Variants in LATS2 observed in about 807,000 individuals in gnomAD.
LATS2 encodes large tumor suppressor kinase 2.
Under a neutral mutation model 76.0 loss-of-function variants are expected in LATS2, and 24 were observed. The ratio of observed to expected loss-of-function variants is 0.32; its 90% CI spans 0.23 to 0.44. LATS2 has a LOEUF of 0.44. Among genes scored for constraint, LATS2 ranks in the 20% least tolerant of loss-of-function variants. The pLI is 1.00. For missense variants in LATS2, 1,286 were observed against 1,481.2 expected (o/e 0.87, Z 2.16); for synonymous variants, 692 against 635.4 (o/e 1.09, Z -1.34).
chr13:21,004,578 A>T (rs1368577522), intron 2 of LATS2, among the ~76,000 whole-genome samples: 1 of 152,222 alleles, frequency 6.6e-6, no homozygotes, highest in Non-Finnish European at 1.5e-5. Flanking sequence ...GAGTGCACAC[A>T]GCATGCTGTT....
chr13:21,035,002 G>A (rs531422811), intron 2 of LATS2, among the ~76,000 whole-genome samples: 11 of 152,284 alleles, frequency 7.2e-5, no homozygotes, highest in South Asian at 4.1e-4. Flanking sequence ...AGGCCAGGGC[G>A]GGAGGATCAC....
intron 2 of LATS2, among the ~76,000 whole-genome samples, chr13:21,002,135 G>C (rs139096997): frequency 6.6e-6 from 1 of 151,608 alleles, no homozygotes; most frequent in East Asian, 2.0e-4. Flanking sequence ...AGATGGTCTC[G>C]ATCTCCTGAC....
intron 2 of LATS2, among the ~76,000 whole-genome samples, chr13:20,992,104 C>A (rs74036496): frequency 0.052 from 7,970 of 152,226 alleles, 725 homozygotes; most frequent in African/African-American, 0.18. Flanking sequence ...CCTCCTTCCA[C>A]CCGAAAGATG....
At chr13:20,990,799 G>A (rs1466989894) in intron 3 of LATS2, among the ~76,000 whole-genome samples, 2 of 152,134 alleles carry the variant, frequency 1.3e-5, no homozygotes, top group African/African-American at 2.4e-5. Context: ...GATGCTGAGG[G>A]GGGCCCAGCG....
chr13:21,015,055 G>A (rs553693379), intron 2 of LATS2, among the ~76,000 whole-genome samples: 13 of 152,340 alleles, frequency 8.5e-5, no homozygotes, highest in African/African-American at 2.9e-4. Context: ...TGGCACTCAC[G>A]TGTGGGCTGA....
At chr13:21,014,104 A>G (rs1565954527) in intron 2 of LATS2, among the ~76,000 whole-genome samples, 1 of 152,102 alleles carries the variant, frequency 6.6e-6, no homozygotes. Context: ...GGAGATTAAA[A>G]TGCCAAAGAA....
chr13:21,007,551 A>AG (rs1565951808), intron 2 of LATS2, among the ~76,000 whole-genome samples: 1 of 10,514 alleles, frequency 9.5e-5, no homozygotes, highest in African/African-American at 1.0e-3. Flanking sequence ...TATAGTATAT[A>AG]TATATATATA....
rs1026557692 is a variant in LATS2, at chr13:20,998,655, T to C, written c.343-7251A>G. ...AGGCCCTCCGGGCCCAGGCCTCCTC[T>C]AACCGCCCCACCATTGCGTGCCCCT... On this transcript the variant is annotated intron_variant, in intron 2 of 7. Transcript: ENST00000382592. 8.5e-5 allele frequency among the ~76,000 whole-genome samples: 13 copies of C among 152,332 alleles called. No individual in the cohort carries two copies. In the East Asian group the frequency reaches 2.5e-3, roughly 29 times the overall value.
At chr13:21,030,597 AAAAAAAAAAAAAAAG>A (rs1872490121) in intron 2 of LATS2, among the ~76,000 whole-genome samples, 1 of 71,830 alleles carries the variant, frequency 1.4e-5, no homozygotes, top group South Asian at 4.7e-4. Flanking sequence ...GTCTCAAAAA[AAAAAAAAAAAAAAAG>A]AAAAAAAAAA....
rs543914502 is a variant in LATS2, at chr13:21,025,003, G to A, written c.342+20682C>T. 9.2e-5 allele frequency among the ~76,000 whole-genome samples: 14 copies of A among 152,070 alleles called. No individual in the cohort carries two copies. In the South Asian group the frequency reaches 2.9e-3, roughly 31 times the overall value. ...CCCCCATAACTTTTTGCCTGGTTTT[G>A]TTTTTTGATTCATTGATTTTTATAT... On this transcript the variant is annotated intron_variant, in intron 2 of 7. Transcript: ENST00000382592.
chr13:20,988,670 C>G lies in LATS2; in HGVS notation c.1110G>C (p.Trp370Cys). 6.3e-7 allele frequency: 1 copy of G among 1,575,314 alleles called. No individual in the cohort carries two copies. The highest frequency in any genetic ancestry group is 8.5e-7 in the Non-Finnish European group (1 of 1,170,374). ...YELGSTSVQQ[W>C]PAATLARRDS... ...CCCGGCGGGCCAGGGTGGCAGCCGG[C>G]CACTGCTGGACGGAGGTGCTGCCCA... is the stretch of plus-strand genomic sequence containing the variant. The change falls in exon 4 of 8, where the codon TGG (tryptophan) becomes TGC (cysteine). Residue 370 changes from tryptophan to cysteine, a missense_variant. This residue lies in a region of LATS2 where 710 missense variants were observed against 660.9 expected (regional missense o/e 1.07). Coordinates refer to ENST00000382592, the MANE Select transcript of LATS2 (RefSeq NM_014572.3).
chr13:21,056,012 A>G (rs1873436345), intron 1 of LATS2, among the ~76,000 whole-genome samples: 1 of 152,196 alleles, frequency 6.6e-6, no homozygotes, highest in South Asian at 2.1e-4. Context: ...AGGAAAACAC[A>G]CTTTAGAAGA....
intron 1 of LATS2, among the ~76,000 whole-genome samples, chr13:21,050,771 C>T (rs770675403): frequency 2.2e-4 from 33 of 152,196 alleles, no homozygotes; most frequent in Non-Finnish European, 4.1e-4. Context: ...CGCTGAAGAG[C>T]GACTGGCAGA....
intron 2 of LATS2, among the ~76,000 whole-genome samples, chr13:21,028,409 T>C (rs1446018655): frequency 6.6e-6 from 1 of 152,198 alleles, no homozygotes; most frequent in Admixed American, 6.5e-5. Flanking sequence ...TGTGTCTTTA[T>C]AGCAGCATGA....
chr13:20,998,745 G>GCGAGGCGAGGCGGGGCGGGGC (rs1870882965), intron 2 of LATS2, among the ~76,000 whole-genome samples: 1 of 152,060 alleles, frequency 6.6e-6, no homozygotes, highest in Non-Finnish European at 1.5e-5. Context: ...TCAATGCGGG[G>GCGAGGCGAGGCGGGGCGGGGC]CGAGGCGGGG....
At chr13:21,033,034 A>G (rs1872584508) in intron 2 of LATS2, among the ~76,000 whole-genome samples, 2 of 152,088 alleles carry the variant, frequency 1.3e-5, no homozygotes, top group African/African-American at 4.8e-5. Flanking sequence ...GACACTTGCC[A>G]TTCAGGAAAA....
At chr13:21,059,727 A>T (rs1873564962) in intron 1 of LATS2, among the ~76,000 whole-genome samples, 1 of 152,216 alleles carries the variant, frequency 6.6e-6, no homozygotes, top group South Asian at 2.1e-4. Flanking sequence ...GCACTCTGGG[A>T]GACGGAGGCA....
intron 2 of LATS2, among the ~76,000 whole-genome samples, chr13:21,012,713 G>T (rs1871642816): frequency 6.6e-6 from 1 of 152,088 alleles, no homozygotes; most frequent in South Asian, 2.1e-4. Context: ...CAGAAAGAGA[G>T]GAAGATGGAA....
At chr13:21,015,761 G>A (rs1215517207) in intron 2 of LATS2, among the ~76,000 whole-genome samples, 6 of 151,200 alleles carry the variant, frequency 4.0e-5, no homozygotes, top group African/African-American at 4.9e-5. Flanking sequence ...GTGCAATGGC[G>A]CGACCTCTGC....
Sources: gnomAD v4.1 joint callset for allele counts (sites outside exome capture counted in the v4.1 genomes callset) on GRCh38, gnomAD v4.1.1 for gene constraint, gnomAD v4.1.1 regional missense constraint, MANE v1.5 for transcripts, NCBI Gene and HGNC (gene_info 2026-07-23, HGNC 2026-07-21) for gene names.